The following SPAG16 variants were observed in gnomAD, a reference collection of about 807,000 sequenced individuals.
The protein encoded by SPAG16 is sperm associated antigen 16, also known as sperm-associated antigen 16 protein.
In SPAG16, 86 loss-of-function variants were observed where a neutral mutation model predicts 80.4. The observed-to-expected ratio is 1.07, with a 90% CI of 0.90 to 1.28. The LOEUF (loss-of-function observed/expected upper bound fraction) is 1.28, where lower values mean the gene tolerates loss of function less well. SPAG16 is among the 50% of genes most tolerant of loss of function. The probability of loss-of-function intolerance (pLI) is 0.00; values close to 1 mark genes in which losing one functional copy is unlikely to be tolerated. For missense variants in SPAG16, 870 were observed against 765.3 expected (o/e 1.14, Z -1.61); for synonymous variants, 294 against 265.9 (o/e 1.11, Z -1.03).
chr2:213,776,061 C>G (rs2069556747), intron 10 of SPAG16, among the ~76,000 whole-genome samples: 1 of 152,174 alleles, frequency 6.6e-6, no homozygotes, highest in African/African-American at 2.4e-5. Flanking sequence ...ACATATAATT[C>G]AAGGTCTCAG....
chr2:213,367,416 G>A (rs2066366600), intron 8 of SPAG16, among the ~76,000 whole-genome samples: 1 of 152,228 alleles, frequency 6.6e-6, no homozygotes, highest in Non-Finnish European at 1.5e-5. Context: ...CAGTGTAAAA[G>A]TGTTCCTATT....
intron 12 of SPAG16, among the ~76,000 whole-genome samples, chr2:213,931,412 A>G (rs1333767370): frequency 6.6e-6 from 1 of 152,194 alleles, no homozygotes; most frequent in Admixed American, 6.5e-5. Context: ...ATATCCAATC[A>G]TTTATAATTC....
chr2:214,127,060 TG>T (rs1450788353), intron 14 of SPAG16, among the ~76,000 whole-genome samples: 1 of 151,868 alleles, frequency 6.6e-6, no homozygotes, highest in East Asian at 1.9e-4. Flanking sequence ...TTTTGCAGTT[TG>T]CCACTATGTC....
At chr2:213,440,672 GATAAA>G (rs1405853497) in intron 9 of SPAG16, among the ~76,000 whole-genome samples, 3 of 152,194 alleles carry the variant, frequency 2.0e-5, no homozygotes, top group African/African-American at 4.8e-5. Context: ...ACTGAGTAGT[GATAAA>G]ATAACAGTAC....
intron 15 of SPAG16, among the ~76,000 whole-genome samples, chr2:214,161,508 G>T (rs2056436969): frequency 6.6e-6 from 1 of 152,138 alleles, no homozygotes; most frequent in South Asian, 2.1e-4. Context: ...ACTGGCATGA[G>T]ATGGTATGTC....
At chr2:213,461,647 G>T (rs2072370153) in intron 9 of SPAG16, among the ~76,000 whole-genome samples, 2 of 152,158 alleles carry the variant, frequency 1.3e-5, no homozygotes, top group African/African-American at 4.8e-5. Flanking sequence ...CACATTTCAG[G>T]TTGGCAAGTG....
intron 13 of SPAG16, among the ~76,000 whole-genome samples, chr2:214,098,998 GCTGA>G (rs1170790173): frequency 2.6e-5 from 4 of 152,060 alleles, no homozygotes; most frequent in African/African-American, 9.7e-5. Context: ...GAACCAGTTG[GCTGA>G]CTTTCAAGTC....
intron 10 of SPAG16, among the ~76,000 whole-genome samples, chr2:213,790,189 G>T (rs2070603481): frequency 1.3e-5 from 2 of 151,840 alleles, no homozygotes; most frequent in Admixed American, 6.6e-5. Flanking sequence ...CATCACTGAT[G>T]ATTCATCACT....
intron 9 of SPAG16, among the ~76,000 whole-genome samples, chr2:213,483,435 T>G (rs145432023): frequency 5.9e-5 from 9 of 152,346 alleles, no homozygotes; most frequent in Admixed American, 5.2e-4. Flanking sequence ...CTGTACAAAT[T>G]TACATGGTAT....
chr2:214,127,459 G>A (rs1217666504), intron 14 of SPAG16, among the ~76,000 whole-genome samples: 5 of 151,796 alleles, frequency 3.3e-5, no homozygotes, highest in Non-Finnish European at 5.9e-5. Context: ...CAGAGTGGGA[G>A]TGAGCTGAGT....
At chr2:213,683,716 G>A (rs942841141) in intron 10 of SPAG16, among the ~76,000 whole-genome samples, 4 of 151,696 alleles carry the variant, frequency 2.6e-5, no homozygotes, top group Non-Finnish European at 4.4e-5. Flanking sequence ...AGAGTCTATT[G>A]CCTTTCAGCC....
At chr2:213,551,761 T>A (rs1423363852) in intron 10 of SPAG16, among the ~76,000 whole-genome samples, 1 of 152,152 alleles carries the variant, frequency 6.6e-6, no homozygotes, top group Non-Finnish European at 1.5e-5. Flanking sequence ...CAGTCTGAAT[T>A]TTTCAACAGT....
chr2:214,066,344 C>G (rs7606997), intron 13 of SPAG16, among the ~76,000 whole-genome samples: 125,258 of 152,110 alleles, frequency 0.82, 51,801 homozygotes, highest in East Asian at 0.95. Flanking sequence ...TGTAGCTCTT[C>G]CTTTGTTATC....
At chr2:213,894,633 C>A (rs2076917657) in intron 11 of SPAG16, among the ~76,000 whole-genome samples, 1 of 152,036 alleles carries the variant, frequency 6.6e-6, no homozygotes, top group Non-Finnish European at 1.5e-5. Context: ...TTAAAAGTAT[C>A]CAAATTGGAA....
intron 15 of SPAG16, among the ~76,000 whole-genome samples, chr2:214,179,323 C>T (rs1376274264): frequency 1.3e-5 from 2 of 150,808 alleles, no homozygotes; most frequent in Non-Finnish European, 3.0e-5. Flanking sequence ...TGTAAGCATA[C>T]GAAATGGGCA....
chr2:213,582,874 A>G (rs1404194921), intron 10 of SPAG16, among the ~76,000 whole-genome samples: 1 of 152,200 alleles, frequency 6.6e-6, no homozygotes, highest in Non-Finnish European at 1.5e-5. Flanking sequence ...TATAATCAAC[A>G]GAACCTCATT....
chr2:214,222,913 A>G (rs531772083), intron 15 of SPAG16, among the ~76,000 whole-genome samples: 184 of 152,320 alleles, frequency 1.2e-3, no homozygotes, highest in Non-Finnish European at 1.8e-3. Context: ...AAGGTGAACC[A>G]AGGTTAAATA....
chr2:214,110,141 A>AT lies in SPAG16; in HGVS notation c.1593+1888dup, dbSNP rs34336161. Among the ~76,000 whole-genome samples, 4 of 151,858 alleles carry AT rather than the reference A, an allele frequency of 2.6e-5. No individual in the cohort carries two copies. The East Asian group carries it at 5.8e-4, about 22-fold the overall frequency. Reference sequence around the variant, plus strand: ...TAGGTGTCCAATATCAAAGTAGCTAATTTTTTTTATTATTATACTTTAAGG... The same window carrying AT: ...TAGGTGTCCAATATCAAAGTAGCTAATTTTTTTTTATTATTATACTTTAAGG... On this transcript the variant is annotated intron_variant, in intron 14 of 15. Coordinates refer to ENST00000331683, the MANE Select transcript of SPAG16 (RefSeq NM_024532.5).
intron 12 of SPAG16, among the ~76,000 whole-genome samples, chr2:213,983,348 C>T (rs2045859672): frequency 6.6e-6 from 1 of 151,832 alleles, no homozygotes; most frequent in Admixed American, 6.6e-5. Context: ...GTTTGTTTTT[C>T]AGAATAATAA....
Sources: gnomAD v4.1 joint callset for allele counts (sites outside exome capture counted in the v4.1 genomes callset) on GRCh38, gnomAD v4.1.1 for gene constraint, MANE v1.5 for transcripts, NCBI Gene and HGNC (gene_info 2026-07-23, HGNC 2026-07-21) for gene names.